Variants in USB1 observed in about 807,000 individuals in gnomAD.
USB1 encodes U6 snRNA biogenesis phosphodiesterase 1, also known as U6 snRNA phosphodiesterase 1.
In USB1, 21 loss-of-function variants were observed where a neutral mutation model predicts 29.9. The observed-to-expected ratio is 0.70, with a 90% CI of 0.50 to 1.01. The LOEUF (loss-of-function observed/expected upper bound fraction) is 1.01, where lower values mean the gene tolerates loss of function less well. Among genes scored for constraint, USB1 ranks in the 50% least tolerant of loss-of-function variants. The pLI is 0.00. For missense variants in USB1, 330 were observed against 347.1 expected (o/e 0.95, Z 0.39); for synonymous variants, 143 against 134.9 (o/e 1.06, Z -0.42).
rs375820775 is a variant in USB1, at chr16:58,020,127, G to A, written c.694-14G>A. 3 of 1,613,900 alleles carry A rather than the reference G, an allele frequency of 1.9e-6. No homozygotes were observed. Among genetic ancestry groups the A allele is most frequent in the Non-Finnish European group, 2.5e-6 (3 of 1,179,950 alleles). On this transcript the variant is annotated splice_polypyrimidine_tract_variant and intron_variant, in intron 6 of 6. Transcript: ENST00000219281. Reference sequence around the variant, plus strand: ...CCCTTAATGTGACTGTCCTCCCCTGGCTGCTGTTTTAAGGCAATCGTGGAT... The same window carrying A: ...CCCTTAATGTGACTGTCCTCCCCTGACTGCTGTTTTAAGGCAATCGTGGAT...
In USB1 at chr16:58,014,698, G is replaced by A. The variant is rs563643469; in HGVS notation, c.503+372G>A. 7.1e-4 allele frequency among the ~76,000 whole-genome samples: 108 copies of A among 152,268 alleles called. 2 individuals carry two copies. Among genetic ancestry groups the A allele is most frequent in the South Asian group, 3.3e-3 (16 of 4,826 alleles). ...CTTGGGAGGCTGAGATGGGAGGATCGCTTGAGCCCTGGAGGTCGAGGCTGC... is the reference window on the plus strand; with the variant it reads ...CTTGGGAGGCTGAGATGGGAGGATCACTTGAGCCCTGGAGGTCGAGGCTGC... On this transcript the variant is annotated intron_variant, in intron 4 of 6. Coordinates refer to ENST00000219281, the MANE Select transcript of USB1 (RefSeq NM_024598.4).
upstream of USB1, chr16:58,000,453 C>A (rs1476475157): frequency 6.7e-6 from 1 of 150,110 alleles, no homozygotes; most frequent in South Asian, 2.1e-4. This position sits in a 1 kb window ranked among gnomAD's most constrained non-coding sequence, Gnocchi z 4.5. Flanking sequence ...ACCAGCTGCT[C>A]TCTCGGCCGC....
intron 2 of USB1, among the ~76,000 whole-genome samples, 184 bp from the exon 3 acceptor site, chr16:58,009,741 TAATA>T (rs112095354): frequency 1.1e-4 from 16 of 150,078 alleles, no homozygotes; most frequent in Admixed American, 2.7e-4. Context: ...AAAAAAATAA[TAATA>T]AATAAATAAA....
intron 4 of USB1, chr16:58,016,307 A>G (rs533011965): frequency 9.2e-5 from 14 of 152,374 alleles, no homozygotes; most frequent in African/African-American, 3.4e-4. Flanking sequence ...GTTTTCTGTG[A>G]TAAGAGACAC....
At chr16:58,000,380 C>G (rs944641166), upstream of USB1, 1 of 149,970 alleles carries the variant, frequency 6.7e-6, no homozygotes, top group Non-Finnish European at 1.5e-5. This position sits in a 1 kb window ranked among gnomAD's most constrained non-coding sequence, Gnocchi z 4.5. Flanking sequence ...CAGATGCGGC[C>G]CCGGGCGCCC....
At chr16:58,007,687 G>A (rs1403522923) in intron 2 of USB1, among the ~76,000 whole-genome samples, 1 of 150,860 alleles carries the variant, frequency 6.6e-6, no homozygotes, top group African/African-American at 2.4e-5. Context: ...CAGCCGGAAG[G>A]TAATTATTTA....
At chr16:58,009,741 T>TAATAAATA (rs112095354) in intron 2 of USB1, among the ~76,000 whole-genome samples, 188 bp from the exon 3 acceptor site, 2 of 150,078 alleles carry the variant, frequency 1.3e-5, no homozygotes, top group South Asian at 4.2e-4. Flanking sequence ...AAAAAAATAA[T>TAATAAATA]AATAAATAAA....
intron 1 of USB1, among the ~76,000 whole-genome samples, 196 bp downstream of exon 1, chr16:58,001,777 C>T (rs1257551609): frequency 6.6e-6 from 1 of 151,562 alleles, no homozygotes; most frequent in Admixed American, 6.6e-5. Context: ...AGTGGCCCCA[C>T]CTGGCTAGGG....
intron 3 of USB1, chr16:58,011,320 C>T: frequency 7.1e-7 from 1 of 1,403,922 alleles, no homozygotes; most frequent in Non-Finnish European, 9.2e-7. Context: ...ATCATGGGTG[C>T]CCTCAGCACA....
intron 2 of USB1, among the ~76,000 whole-genome samples, chr16:58,008,453 C>CT (rs56262437): frequency 0.042 from 4,891 of 115,162 alleles, 118 homozygotes; most frequent in Non-Finnish European, 0.05. Context: ...TTTTCTTTTT[C>CT]TTTTTTTTTT....
At chr16:58,009,228 T>G (rs1260382233) in intron 2 of USB1, among the ~76,000 whole-genome samples, 1 of 152,208 alleles carries the variant, frequency 6.6e-6, no homozygotes, top group Admixed American at 6.5e-5. Context: ...TGGGTGTCAA[T>G]CTTTTGGTGA....
In USB1 at chr16:58,020,377, G is replaced by T; in HGVS notation, c.*132G>T. On this transcript the variant is annotated 3_prime_UTR_variant, in exon 7 of 7. Transcript: ENST00000219281. ...CCATGCCTTCAACCTGGCAGGAGGT[G>T]TAGCCACTCCTCATCCTCCCTGAGT... 11 of 781,420 alleles carry T rather than the reference G, an allele frequency of 1.4e-5. No homozygotes were observed. 48.4% of individuals were successfully genotyped at this position (781,420 alleles called of 1,614,324 possible).
intron 3 of USB1, chr16:58,012,676 C>T (rs768806126): frequency 6.8e-6 from 8 of 1,184,596 alleles, no homozygotes; most frequent in Non-Finnish European, 8.4e-6. Context: ...TTAACAGGCC[C>T]TTCCCCCTTC....
chr16:58,006,599 C>T (rs1963365805), intron 2 of USB1, among the ~76,000 whole-genome samples: 1 of 152,128 alleles, frequency 6.6e-6, no homozygotes, highest in Non-Finnish European at 1.5e-5. Context: ...GTGGAGGTTG[C>T]AGTGAGCGGA....
Position 58,001,706 on chromosome 16 carries a change from G to A in USB1, c.98+125G>A, listed in dbSNP as rs558088558. 5.8e-4 allele frequency: 655 copies of A among 1,123,558 alleles called. 6 individuals carry two copies. The South Asian group carries it at 8.4e-3, about 14-fold the overall frequency. The allele number at this position is 1,123,558 out of a possible 1,614,324, so 69.6% of individuals were successfully genotyped here. ...GCGGCTCTGGGAAGGAAAAGGGGAC[G>A]CAGGAAGAAAGGAGGATCCAGAAGA... On this transcript the variant is annotated intron_variant, in intron 1 of 6. Transcript: ENST00000219281.
rs1963448262 is a variant in USB1, at chr16:58,009,875, G to A, written c.266-54G>A. ...TCTGCCTTCTGGGCTTCTTCATTCA[G>A]CCATGGCACCTTGGCTGAGAGAACG... is the stretch of plus-strand genomic sequence containing the variant. On this transcript the variant is annotated intron_variant, in intron 2 of 6. Coordinates refer to ENST00000219281, the MANE Select transcript of USB1 (RefSeq NM_024598.4). 4 of 1,611,624 alleles carry A rather than the reference G, an allele frequency of 2.5e-6. No homozygotes were observed. The African/African-American group carries it at 4.0e-5, about 16-fold the overall frequency.
chr16:58,010,117 G>C lies in USB1; in HGVS notation c.449+5G>C, dbSNP rs531481981. Reference sequence around the variant, plus strand: ...CCGTATGACCTCCTTCCACAGGTGAGTGCTTCTTCCCTCTGCCTCTCCACT... The same window carrying C: ...CCGTATGACCTCCTTCCACAGGTGACTGCTTCTTCCCTCTGCCTCTCCACT... On this transcript the variant is annotated splice_donor_5th_base_variant and intron_variant, in intron 3 of 6. Transcript: ENST00000219281. 15 of 1,613,928 alleles carry C rather than the reference G, an allele frequency of 9.3e-6. 1 individual carries two copies. In the South Asian group the frequency reaches 1.3e-4, roughly 14 times the overall value.
At chr16:58,007,680 C>G (rs1328906181) in intron 2 of USB1, among the ~76,000 whole-genome samples, 1 of 152,174 alleles carries the variant, frequency 6.6e-6, no homozygotes, top group African/African-American at 2.4e-5. Flanking sequence ...CAGAGCCCAG[C>G]CGGAAGGTAA....
At chr16:58,002,717 G>A (rs1963257750) in intron 2 of USB1, 72 bp downstream of exon 2, 3 of 1,599,860 alleles carry the variant, frequency 1.9e-6, no homozygotes, top group African/African-American at 2.7e-5. Context: ...GCAGAATCTG[G>A]CCCCAACTAG....
Sources: gnomAD v4.1 joint callset for allele counts (sites outside exome capture counted in the v4.1 genomes callset) on GRCh38, gnomAD v4.1.1 for gene constraint, Gnocchi (gnomAD v3.1) non-coding constraint, MANE v1.5 for transcripts, NCBI Gene and HGNC (gene_info 2026-07-23, HGNC 2026-07-21) for gene names.